Variants in NAA16 observed in about 807,000 individuals in gnomAD.
The protein encoded by NAA16 is N-alpha-acetyltransferase 16, NatA auxiliary subunit, also known as NARG1-like protein.
In NAA16, 97 loss-of-function variants were observed where a neutral mutation model predicts 110.3. The ratio of observed to expected loss-of-function variants is 0.88; its 90% CI spans 0.75 to 1.04. The LOEUF is 1.04. Ranked by LOEUF, NAA16 falls within the 50% of genes least tolerant of loss-of-function variation. The pLI, the probability that NAA16 is intolerant of heterozygous loss-of-function variation, is 0.00. For missense variants in NAA16, 1,017 were observed against 1,005.1 expected, an observed-to-expected ratio of 1.01 and a Z score of -0.16; for synonymous variants, 372 against 330.6, an observed-to-expected ratio of 1.13 and a Z score of -1.36.
chr13:41,356,423 C>G (rs1300081006), intron 10 of NAA16, among the ~76,000 whole-genome samples: 1 of 138,382 alleles, frequency 7.2e-6, no homozygotes, highest in Non-Finnish European at 1.5e-5. Flanking sequence ...GAAGTCATCG[C>G]AGTGCCATGT....
rs2042949003 is a variant in NAA16 at position 41,355,150 on chromosome 13, A to G, written c.1021A>G (p.Ile341Val). 3 of 1,570,454 alleles carry G rather than the reference A, an allele frequency of 1.9e-6. No homozygotes were observed. The highest frequency in any genetic ancestry group is 1.4e-5 in the African/African-American group (1 of 72,706). The change falls in exon 10 of 20, where the codon ATA becomes GTA. Residue 341 changes from isoleucine to valine, a missense_variant. Physicochemically the swap from Ile to Val is conservative, Grantham distance 29. Coordinates refer to ENST00000379406, the MANE Select transcript of NAA16 (RefSeq NM_024561.5). ...AAATATGTTTCTTTAACAGGTTTCT[A>G]TAATCCAGGAACTTGTTACTAATTA... ...SLYYNTEKVS[I>V]IQELVTNYEA...
chr13:41,351,085 G>A (rs932534913), intron 9 of NAA16, among the ~76,000 whole-genome samples: 2 of 152,160 alleles, frequency 1.3e-5, no homozygotes, highest in African/African-American at 4.8e-5. Flanking sequence ...GCCTAGGCTG[G>A]TACACTTTGA....
intron 17 of NAA16, 149 bp downstream of exon 17, chr13:41,372,979 T>G: frequency 1.8e-6 from 2 of 1,104,278 alleles, no homozygotes; most frequent in South Asian, 6.7e-5. Flanking sequence ...ACAAATCCTC[T>G]GATCATGGCC....
rs905285015 is a variant in NAA16 at position 41,362,242 on chromosome 13, T to G, written c.1539+83T>G. The G allele has an allele frequency of 2.2e-5, 31 of 1,414,170 alleles. No individual in the cohort carries two copies. The Admixed American group carries it at 7.7e-4, about 35-fold the overall frequency. The allele number at this position is 1,414,170 out of a possible 1,614,324, so 87.6% of individuals were successfully genotyped here. On this transcript the variant is annotated intron_variant, in intron 13 of 19. Coordinates refer to ENST00000379406, the MANE Select transcript of NAA16 (RefSeq NM_024561.5). ...ATTTCTACACAGGATCATCTGCCTC[T>G]TCTAACTTCTCTGGGAGCTTCATTG...
At chr13:41,325,266 C>T (rs1231752717) in intron 5 of NAA16, among the ~76,000 whole-genome samples, 2 of 110,180 alleles carry the variant, frequency 1.8e-5, no homozygotes, top group Admixed American at 1.0e-4. Flanking sequence ...ACGGAACTTA[C>T]ATGCACTGGG....
intron 10 of NAA16, among the ~76,000 whole-genome samples, chr13:41,356,401 ACG>A: frequency 6.7e-6 from 1 of 148,990 alleles, no homozygotes; most frequent in Non-Finnish European, 1.5e-5. Flanking sequence ...TATTTAAAAC[ACG>A]TAAACAGAAG....
chr13:41,372,723 C>T lies in NAA16; in HGVS notation c.2057-9C>T. The T allele has an allele frequency of 6.3e-7, 1 of 1,582,174 alleles. No homozygotes were observed. The highest frequency in any genetic ancestry group is 2.3e-5 in the East Asian group (1 of 43,886). ...TAATGCTATTACTTTTGTATTTTTT[C>T]TGACACAGGAAAGTTTCTGTTAATG... On this transcript the variant is annotated splice_polypyrimidine_tract_variant and intron_variant, in intron 16 of 19. Transcript: ENST00000379406.
intron 7 of NAA16, among the ~76,000 whole-genome samples, chr13:41,329,463 TGA>T (rs1254441176): frequency 6.6e-6 from 1 of 151,772 alleles, no homozygotes; most frequent in East Asian, 1.9e-4. Flanking sequence ...AATATATTCC[TGA>T]AATAATTATG....
intron 9 of NAA16, among the ~76,000 whole-genome samples, chr13:41,342,317 T>C (rs1369747661): frequency 6.6e-6 from 1 of 152,126 alleles, no homozygotes; most frequent in African/African-American, 2.4e-5. Context: ...TTTTGTAGTT[T>C]AGTAGAGACA....
chr13:41,314,233 A>G (rs1593397978), intron 1 of NAA16, among the ~76,000 whole-genome samples: 1 of 152,198 alleles, frequency 6.6e-6, no homozygotes, highest in East Asian at 1.9e-4. Context: ...AAATGCTTCC[A>G]ATAGGTGTTA....
At chr13:41,358,741 TA>T in intron 11 of NAA16, 68 bp from the exon 12 acceptor site, 1 of 1,503,858 alleles carries the variant, frequency 6.6e-7, no homozygotes. Flanking sequence ...CTGTGTAAAT[TA>T]TTTTCCATTT....
At chr13:41,323,483 T>C (rs965682725) in intron 5 of NAA16, among the ~76,000 whole-genome samples, 6 of 151,668 alleles carry the variant, frequency 4.0e-5, no homozygotes, top group Non-Finnish European at 7.4e-5. Context: ...CCAGAGTAGC[T>C]GGGACTACAG....
At chr13:41,327,943 C>T (rs2042136600) in intron 6 of NAA16, 1 of 151,940 alleles carries the variant, frequency 6.6e-6, no homozygotes, top group Admixed American at 6.6e-5. Flanking sequence ...AATATACTGC[C>T]TCCTCCAACA....
intron 5 of NAA16, among the ~76,000 whole-genome samples, chr13:41,324,645 A>T (rs1266574466): frequency 6.7e-6 from 1 of 150,312 alleles, no homozygotes; most frequent in East Asian, 1.9e-4. Context: ...AAGTGCTGGG[A>T]TTACAGGTGT....
chr13:41,330,133 T>G (rs9532790), intron 7 of NAA16, among the ~76,000 whole-genome samples: 94,459 of 151,700 alleles, frequency 0.62, 32,356 homozygotes, highest in South Asian at 0.77. Context: ...AGTATAAGGG[T>G]CTTTAATATT....
intron 2 of NAA16, among the ~76,000 whole-genome samples, chr13:41,318,416 G>A (rs1020078286): frequency 1.3e-5 from 2 of 152,014 alleles, no homozygotes; most frequent in Non-Finnish European, 2.9e-5. Flanking sequence ...TGGCCAGGCT[G>A]GTCTCGAACT....
At chr13:41,335,253 G>A (rs967266099) in intron 8 of NAA16, among the ~76,000 whole-genome samples, 2 of 151,992 alleles carry the variant, frequency 1.3e-5, no homozygotes, top group Non-Finnish European at 2.9e-5. Context: ...TGATTACTAC[G>A]TGCAAGACAT....
chr13:41,350,318 G>A (rs948884134), intron 9 of NAA16, among the ~76,000 whole-genome samples: 1 of 149,598 alleles, frequency 6.7e-6, no homozygotes, highest in African/African-American at 2.5e-5. Flanking sequence ...TTTTGAGACG[G>A]AGTCTCGCTC....
At chr13:41,312,140 A>G (rs932869813) in intron 1 of NAA16, among the ~76,000 whole-genome samples, 5 of 152,212 alleles carry the variant, frequency 3.3e-5, no homozygotes, top group Non-Finnish European at 7.3e-5. Flanking sequence ...TCCCTTTGGG[A>G]AAAAGTTTGC....
Sources: gnomAD v4.1 joint callset for allele counts (sites outside exome capture counted in the v4.1 genomes callset) on GRCh38, gnomAD v4.1.1 for gene constraint, MANE v1.5 for transcripts, NCBI Gene and HGNC (gene_info 2026-07-23, HGNC 2026-07-21) for gene names.